CNTNAP5: variants seen among roughly 807,000 people sequenced by gnomAD.
The protein encoded by CNTNAP5 is contactin associated protein family member 5.
Under a neutral mutation model 150.2 loss-of-function variants are expected in CNTNAP5, and 72 were observed. The observed-to-expected ratio is 0.48, with a 90% CI of 0.40 to 0.58. The LOEUF is 0.58. Ranked by LOEUF, CNTNAP5 falls within the 20% of genes least tolerant of loss-of-function variation. CNTNAP5 has a pLI of 0.00. For synonymous variants in CNTNAP5, 672 were observed against 619.8 expected (o/e 1.08, Z -1.25); for missense variants, 1,636 against 1,626.2 (o/e 1.01, Z -0.10).
chr2:124,538,116 C>A (rs375180368), intron 10 of CNTNAP5, among the ~76,000 whole-genome samples: 1 of 152,148 alleles, frequency 6.6e-6, no homozygotes, highest in Non-Finnish European at 1.5e-5. Flanking sequence ...TGCATGTCAA[C>A]GTATCAGGAA....
chr2:124,482,780 C>T (rs1247330805), intron 7 of CNTNAP5, among the ~76,000 whole-genome samples: 2 of 152,130 alleles, frequency 1.3e-5, no homozygotes, highest in African/African-American at 4.8e-5. Context: ...CTGGCAGGCT[C>T]TCCCTCTGGG....
At chr2:124,571,527 CTTTTT>C (rs1214169811) in intron 11 of CNTNAP5, among the ~76,000 whole-genome samples, 13 of 46,850 alleles carry the variant, frequency 2.8e-4, no homozygotes, top group Admixed American at 2.3e-3. Flanking sequence ...TTTCTTTTTT[CTTTTT>C]TTTTTTTTTT....
chr2:124,772,318 G>T (rs760222517), intron 16 of CNTNAP5, among the ~76,000 whole-genome samples: 1 of 152,188 alleles, frequency 6.6e-6, no homozygotes, highest in Non-Finnish European at 1.5e-5. Context: ...TGGACAAGGC[G>T]ATACAACTTT....
intron 13 of CNTNAP5, among the ~76,000 whole-genome samples, chr2:124,746,636 C>G (rs1680608695): frequency 1.3e-5 from 2 of 152,180 alleles, no homozygotes; most frequent in Admixed American, 1.3e-4. Context: ...AACCAGCCCT[C>G]TTACACAGCC....
chr2:124,250,671 G>A (rs1687149082), intron 3 of CNTNAP5, among the ~76,000 whole-genome samples: 1 of 152,040 alleles, frequency 6.6e-6, no homozygotes, highest in Non-Finnish European at 1.5e-5. Context: ...GAGCCTGGGG[G>A]AGTTACTGAT....
intron 13 of CNTNAP5, among the ~76,000 whole-genome samples, chr2:124,675,935 GT>G: frequency 1.3e-5 from 2 of 152,074 alleles, no homozygotes; most frequent in South Asian, 4.2e-4. Flanking sequence ...CTAGTAATGT[GT>G]TTCTTGAAAA....
intron 23 of CNTNAP5, among the ~76,000 whole-genome samples, chr2:124,913,209 A>G (rs1260749025): frequency 2.0e-5 from 3 of 152,086 alleles, no homozygotes; most frequent in Non-Finnish European, 4.4e-5. Flanking sequence ...AGAACTTATT[A>G]CAAGTAAATT....
chr2:124,376,350 G>A (rs1690649078), intron 3 of CNTNAP5, among the ~76,000 whole-genome samples: 1 of 152,038 alleles, frequency 6.6e-6, no homozygotes, highest in African/African-American at 2.4e-5. Context: ...ACATTACTAG[G>A]AAGCAATTAC....
chr2:124,694,950 G>A (rs921647753), intron 13 of CNTNAP5, among the ~76,000 whole-genome samples: 9 of 152,050 alleles, frequency 5.9e-5, no homozygotes, highest in African/African-American at 2.2e-4. Flanking sequence ...CTTCTTTGGC[G>A]AGTCAAATAA....
intron 1 of CNTNAP5, among the ~76,000 whole-genome samples, chr2:124,120,970 G>A (rs183891057): frequency 1.3e-5 from 2 of 152,106 alleles, no homozygotes; most frequent in East Asian, 3.9e-4. Context: ...ATAAATTTTG[G>A]TGTAAGAAAG....
At chr2:124,292,106 A>T (rs796644) in intron 3 of CNTNAP5, among the ~76,000 whole-genome samples, 4 of 151,948 alleles carry the variant, frequency 2.6e-5, no homozygotes, top group South Asian at 4.1e-4. Context: ...GGCATGCTAC[A>T]GTGCAAAAAA....
intron 21 of CNTNAP5, among the ~76,000 whole-genome samples, chr2:124,875,116 C>T (rs1558809608): frequency 6.6e-6 from 1 of 151,948 alleles, no homozygotes; most frequent in Non-Finnish European, 1.5e-5. Flanking sequence ...TTTAATTCTC[C>T]CCAATCCCTC....
intron 4 of CNTNAP5, among the ~76,000 whole-genome samples, chr2:124,430,997 C>A (rs1178724535): frequency 6.6e-6 from 1 of 152,062 alleles, no homozygotes. Flanking sequence ...TTCCTATAAG[C>A]CCCATCATAC....
intron 8 of CNTNAP5, among the ~76,000 whole-genome samples, chr2:124,509,723 C>A (rs1694512021): frequency 6.6e-6 from 1 of 152,130 alleles, no homozygotes; most frequent in East Asian, 1.9e-4. Flanking sequence ...TTAAATAACT[C>A]AAATGTAAAG....
At chr2:124,317,074 G>A (rs773301308) in intron 3 of CNTNAP5, among the ~76,000 whole-genome samples, 27 of 152,056 alleles carry the variant, frequency 1.8e-4, no homozygotes, top group South Asian at 2.1e-4. Flanking sequence ...CTTAGTCTGG[G>A]CAGCACGCCA....
intron 2 of CNTNAP5, among the ~76,000 whole-genome samples, chr2:124,226,033 G>A (rs529277064): frequency 7.2e-5 from 11 of 152,144 alleles, no homozygotes; most frequent in South Asian, 2.1e-4. Context: ...CACTTAGGTC[G>A]CTTCCGTATC....
At chr2:124,384,654 C>A (rs1376218752) in intron 3 of CNTNAP5, among the ~76,000 whole-genome samples, 1 of 152,112 alleles carries the variant, frequency 6.6e-6, no homozygotes, top group Non-Finnish European at 1.5e-5. Flanking sequence ...ACTGAAATTT[C>A]AATCCAAGTT....
chr2:124,723,121 C>T (rs1444900566), intron 13 of CNTNAP5, among the ~76,000 whole-genome samples: 1 of 152,088 alleles, frequency 6.6e-6, no homozygotes, highest in Non-Finnish European at 1.5e-5. Context: ...TCATGAAGTT[C>T]TTGTTTCTTT....
At chr2:124,116,812 C>G (rs1683440688) in intron 1 of CNTNAP5, among the ~76,000 whole-genome samples, 1 of 152,194 alleles carries the variant, frequency 6.6e-6, no homozygotes. Flanking sequence ...CCTACATCAT[C>G]TTTTGGAGGC....
Sources: allele counts gnomAD v4.1 joint callset (sites outside exome capture counted in the v4.1 genomes callset), GRCh38; gene constraint gnomAD v4.1.1; transcripts MANE v1.5; gene names NCBI Gene and HGNC (gene_info 2026-07-23, HGNC 2026-07-21).